Variants in MMP26 observed in about 807,000 individuals in gnomAD.
The protein encoded by MMP26 is matrix metallopeptidase 26.
A neutral mutation model predicts 31.0 loss-of-function variants in MMP26; 33 were observed. The observed-to-expected ratio is 1.06, with a 90% CI of 0.81 to 1.42. MMP26 has a LOEUF of 1.42. Among genes scored for constraint, MMP26 ranks in the 40% most tolerant of loss-of-function variants. The probability of loss-of-function intolerance (pLI) is 0.00; values close to 1 mark genes in which losing one functional copy is unlikely to be tolerated. For missense variants in MMP26, 347 were observed against 316.1 expected (o/e 1.10, Z -0.74); for synonymous variants, 122 against 114.9 (o/e 1.06, Z -0.40).
intron 2 of MMP26, among the ~76,000 whole-genome samples, chr11:4,811,143 G>A (rs1040913906): frequency 1.3e-5 from 2 of 152,110 alleles, no homozygotes; most frequent in Admixed American, 6.5e-5. Flanking sequence ...TGGAGATCAG[G>A]CTGACATTGT....
chr11:4,856,670 G>A (rs1259865111), intron 2 of MMP26, among the ~76,000 whole-genome samples: 1 of 152,188 alleles, frequency 6.6e-6, no homozygotes, highest in Non-Finnish European at 1.5e-5. Context: ...CAATGAGACA[G>A]AAGGTTAACA....
intron 2 of MMP26, among the ~76,000 whole-genome samples, chr11:4,947,326 A>G (rs1846327899): frequency 8.0e-6 from 1 of 124,738 alleles, no homozygotes; most frequent in African/African-American, 2.7e-5. Context: ...TTATTTCTGG[A>G]CATGTTATTT....
intron 2 of MMP26, among the ~76,000 whole-genome samples, chr11:4,898,914 C>G (rs73405040): frequency 0.019 from 2,892 of 149,920 alleles, 89 homozygotes; most frequent in African/African-American, 0.068. Context: ...GTGAAGGAAG[C>G]TTTATTAGTT....
intron 2 of MMP26, among the ~76,000 whole-genome samples, chr11:4,800,482 T>G (rs904015568): frequency 6.6e-6 from 1 of 151,550 alleles, no homozygotes; most frequent in Non-Finnish European, 1.5e-5. Context: ...CCAAAACCAT[T>G]TTTTTCTTCC....
At chr11:4,790,064 A>G (rs1236967477) in intron 2 of MMP26, among the ~76,000 whole-genome samples, 1 of 152,140 alleles carries the variant, frequency 6.6e-6, no homozygotes, top group African/African-American at 2.4e-5. Context: ...CAATTAGGCC[A>G]GGTACGGTAG....
intron 2 of MMP26, among the ~76,000 whole-genome samples, chr11:4,890,979 G>GAATAAT (rs71050436): frequency 0.13 from 18,453 of 136,908 alleles, 1,355 homozygotes; most frequent in East Asian, 0.17. Flanking sequence ...AATGAACTCA[G>GAATAAT]AATAATAATA....
At chr11:4,881,824 T>G in intron 2 of MMP26, 3 of 1,237,496 alleles carry the variant, frequency 2.4e-6, no homozygotes, top group Non-Finnish European at 3.5e-6. Flanking sequence ...ATAAAATGAC[T>G]AATAAAATGT....
At chr11:4,768,184 T>A (rs1848656258) in intron 2 of MMP26, among the ~76,000 whole-genome samples, 1 of 152,198 alleles carries the variant, frequency 6.6e-6, no homozygotes, top group Admixed American at 6.5e-5. Flanking sequence ...GTTCAGAACA[T>A]CTGCCCCAAA....
intron 2 of MMP26, among the ~76,000 whole-genome samples, chr11:4,863,890 T>C (rs1850198835): frequency 6.6e-6 from 1 of 152,194 alleles, no homozygotes; most frequent in Non-Finnish European, 1.5e-5. Context: ...GCAAAACTTT[T>C]CTTCATTTTA....
At chr11:4,789,530 CTTTTTT>C (rs71050429) in intron 2 of MMP26, among the ~76,000 whole-genome samples, 31 of 65,966 alleles carry the variant, frequency 4.7e-4, no homozygotes, top group African/African-American at 1.4e-3. Flanking sequence ...TATCCCCCCA[CTTTTTT>C]TTTTTTTTTT....
intron 2 of MMP26, among the ~76,000 whole-genome samples, chr11:4,789,647 T>C (rs921693710): frequency 2.7e-5 from 4 of 148,956 alleles, no homozygotes; most frequent in Non-Finnish European, 5.9e-5. Flanking sequence ...TTCAAGTGAT[T>C]CTCCTGCCTC....
At chr11:4,711,163 A>G (rs1847857744) in intron 1 of MMP26, 1 of 152,236 alleles carries the variant, frequency 6.6e-6, no homozygotes, top group Non-Finnish European at 1.5e-5. Flanking sequence ...ATACATTGCA[A>G]TGAACATGTG....
intron 2 of MMP26, chr11:4,945,895 T>C (rs1287775020): frequency 4.4e-6 from 2 of 454,104 alleles, no homozygotes; most frequent in Non-Finnish European, 7.9e-6. Flanking sequence ...ATCATTTTTC[T>C]GTCTTGGTTG....
chr11:4,819,566 A>ATTTTTTTTTTT lies in MMP26; in HGVS notation c.-145+52245_-145+52255dup, dbSNP rs71050433. 1.0e-3 allele frequency among the ~76,000 whole-genome samples: 52 copies of ATTTTTTTTTTT among 50,306 alleles called. 1 individual carries two copies. Among genetic ancestry groups the ATTTTTTTTTTT allele is most frequent in the Non-Finnish European group, 1.4e-3 (41 of 30,264 alleles). The allele number at this position is 50,306 out of a possible 152,430, so 33.0% of individuals were successfully genotyped here. The stretch of plus-strand genomic sequence containing the variant: ...GATGGTCACTGAAATGAGTCGACTG[A>ATTTTTTTTTTT]TTTTTTTTTTTTTTTTTTTTTTTTT... On this transcript the variant is annotated intron_variant, in intron 2 of 7. Coordinates refer to ENST00000380390, the MANE Select transcript of MMP26 (RefSeq NM_021801.5).
intron 2 of MMP26, among the ~76,000 whole-genome samples, chr11:4,940,127 T>A (rs536759245): frequency 1.5e-3 from 227 of 152,146 alleles, no homozygotes; most frequent in South Asian, 9.3e-3. Flanking sequence ...TTTTGATTAA[T>A]GATCTATATA....
chr11:4,906,339 A>C (rs572058420), intron 2 of MMP26, among the ~76,000 whole-genome samples: 1 of 152,240 alleles, frequency 6.6e-6, no homozygotes, highest in Non-Finnish European at 1.5e-5. Flanking sequence ...ATAAATAACT[A>C]TAAATATCAA....
intron 2 of MMP26, chr11:4,908,088 G>T: frequency 6.2e-7 from 1 of 1,614,144 alleles, no homozygotes; most frequent in South Asian, 1.1e-5. Context: ...CTAAATACCT[G>T]TGTCTCCCAC....
At chr11:4,963,283 C>A (rs1346130977) in intron 2 of MMP26, among the ~76,000 whole-genome samples, 1 of 152,106 alleles carries the variant, frequency 6.6e-6, no homozygotes, top group South Asian at 2.1e-4. Flanking sequence ...TAGGAAGAAC[C>A]AATATCATGA....
chr11:4,898,861 G>C (rs1189408416), intron 2 of MMP26, among the ~76,000 whole-genome samples: 1 of 147,674 alleles, frequency 6.8e-6, no homozygotes, highest in African/African-American at 2.6e-5. Context: ...GTGTGTGTGT[G>C]TGTGTGTGTG....
Sources: gnomAD v4.1 joint callset for allele counts (sites outside exome capture counted in the v4.1 genomes callset) on GRCh38, gnomAD v4.1.1 for gene constraint, MANE v1.5 for transcripts, NCBI Gene and HGNC (gene_info 2026-07-23, HGNC 2026-07-21) for gene names.